The following HTR1F variants were observed in gnomAD, a reference collection of about 807,000 sequenced individuals.
HTR1F encodes the protein 5-hydroxytryptamine receptor 1F, also known as 5-hydroxytryptamine (serotonin) receptor 1F, G protein-coupled.
HTR1F carries 17 observed loss-of-function variants against 24.0 expected under a neutral mutation model. That is an observed-to-expected ratio of 0.71 (90% CI 0.48 to 1.06). HTR1F has a LOEUF of 1.06. Ranked by LOEUF, HTR1F falls within the 50% of genes least tolerant of loss-of-function variation. HTR1F has a pLI of 0.00. For synonymous variants in HTR1F, 186 were observed against 156.8 expected (o/e 1.19, Z -1.39); for missense variants, 391 against 427.8 (o/e 0.91, Z 0.76).
intron 2 of HTR1F, among the ~76,000 whole-genome samples, chr3:87,874,891 A>G (rs948576301): frequency 6.6e-6 from 1 of 152,178 alleles, no homozygotes; most frequent in Admixed American, 6.5e-5. Flanking sequence ...TGGAAAGGGT[A>G]GTCTCCTCAA....
chr3:87,846,095 G>GAA (rs1337922376), intron 2 of HTR1F, among the ~76,000 whole-genome samples: 1 of 151,696 alleles, frequency 6.6e-6, no homozygotes, highest in African/African-American at 2.4e-5. Context: ...GTAGGGAAGA[G>GAA]AGTAAACAGA....
At chr3:87,985,336 CA>C (rs11337146) in intron 2 of HTR1F, among the ~76,000 whole-genome samples, 87,549 of 144,228 alleles carry the variant, frequency 0.61, 25,887 homozygotes, top group South Asian at 0.74. Flanking sequence ...ACCTCCATCT[CA>C]AAAAAAAAAA....
intron 2 of HTR1F, among the ~76,000 whole-genome samples, chr3:87,989,857 G>C (rs1297568699): frequency 6.6e-6 from 1 of 152,170 alleles, no homozygotes; most frequent in African/African-American, 2.4e-5. Context: ...CAGTTACAGG[G>C]AGAAGGCCTG....
intron 2 of HTR1F, among the ~76,000 whole-genome samples, chr3:87,940,535 T>C (rs1704543294): frequency 6.6e-6 from 1 of 152,228 alleles, no homozygotes; most frequent in African/African-American, 2.4e-5. Context: ...TCCATGCTCA[T>C]GGATGGGAAG....
chr3:87,822,875 G>A (rs1704386459), intron 2 of HTR1F, among the ~76,000 whole-genome samples: 1 of 152,124 alleles, frequency 6.6e-6, no homozygotes, highest in Admixed American at 6.5e-5. Context: ...TGATCTGCTG[G>A]CTCCTAGCCG....
chr3:87,932,395 T>C (rs1016262210), intron 2 of HTR1F, among the ~76,000 whole-genome samples: 1 of 152,162 alleles, frequency 6.6e-6, no homozygotes, highest in Non-Finnish European at 1.5e-5. Context: ...TTCTGTTCCA[T>C]TGATCTATAT....
chr3:87,895,089 C>A (rs1161308047), intron 2 of HTR1F, among the ~76,000 whole-genome samples: 1 of 152,110 alleles, frequency 6.6e-6, no homozygotes, highest in Non-Finnish European at 1.5e-5. Context: ...TCTACTCAGA[C>A]AGGGGTGATG....
At chr3:87,905,120 C>A (rs1212559303) in intron 2 of HTR1F, among the ~76,000 whole-genome samples, 1 of 151,464 alleles carries the variant, frequency 6.6e-6, no homozygotes, top group Non-Finnish European at 1.5e-5. Flanking sequence ...CTAGCCTGAG[C>A]AACATAGCAA....
intron 2 of HTR1F, among the ~76,000 whole-genome samples, chr3:87,850,047 T>C (rs1463268846): frequency 1.3e-5 from 2 of 151,912 alleles, no homozygotes; most frequent in Non-Finnish European, 2.9e-5. Flanking sequence ...GAAGTCAGTG[T>C]GGTGATTCCT....
chr3:87,814,895 G>T (rs1157897215), intron 1 of HTR1F, among the ~76,000 whole-genome samples: 1 of 152,070 alleles, frequency 6.6e-6, no homozygotes, highest in East Asian at 1.9e-4. Context: ...TTATATAGGA[G>T]GGAGAGTTCA....
At chr3:87,978,520 T>G (rs1308377449) in intron 2 of HTR1F, among the ~76,000 whole-genome samples, 1 of 151,726 alleles carries the variant, frequency 6.6e-6, no homozygotes, top group East Asian at 1.9e-4. Context: ...AGACCCAGAG[T>G]GGTTAGCTCC....
At chr3:87,826,833 C>T (rs1704473632) in intron 2 of HTR1F, among the ~76,000 whole-genome samples, 1 of 152,042 alleles carries the variant, frequency 6.6e-6, no homozygotes, top group Non-Finnish European at 1.5e-5. Flanking sequence ...ATTTTGGGGA[C>T]AGGGTCTCAC....
At chr3:87,880,914 A>G (rs1363796985) in intron 2 of HTR1F, among the ~76,000 whole-genome samples, 1 of 152,220 alleles carries the variant, frequency 6.6e-6, no homozygotes, top group Admixed American at 6.5e-5. Flanking sequence ...AATACTTGGT[A>G]TGAGAACATA....
At chr3:87,847,838 C>T (rs546634258) in intron 2 of HTR1F, among the ~76,000 whole-genome samples, 1 of 151,790 alleles carries the variant, frequency 6.6e-6, no homozygotes, top group Non-Finnish European at 1.5e-5. Context: ...ACATAATGAC[C>T]TTCAGTTCTA....
chr3:87,913,839 C>T (rs1196508671), intron 2 of HTR1F, among the ~76,000 whole-genome samples: 1 of 152,056 alleles, frequency 6.6e-6, no homozygotes, highest in Non-Finnish European at 1.5e-5. Context: ...GAACAGAAAA[C>T]CAAATATCAC....
chr3:87,849,062 C>T (rs1173365972), intron 2 of HTR1F, among the ~76,000 whole-genome samples: 1 of 151,390 alleles, frequency 6.6e-6, no homozygotes, highest in Non-Finnish European at 1.5e-5. Context: ...ACTACCATCC[C>T]CATCAAGCTA....
intron 2 of HTR1F, among the ~76,000 whole-genome samples, chr3:87,918,637 C>A (rs1246639720): frequency 6.6e-6 from 1 of 151,504 alleles, no homozygotes; most frequent in African/African-American, 2.4e-5. Context: ...CTGCAAAAAA[C>A]ATAAAATACT....
chr3:87,957,339 T>C (rs138310769), intron 2 of HTR1F, among the ~76,000 whole-genome samples: 6 of 151,544 alleles, frequency 4.0e-5, no homozygotes, highest in Middle Eastern at 3.4e-3. Flanking sequence ...TTTATAAATA[T>C]TGCAGGATTC....
At chr3:87,810,196 T>C (rs916619952) in intron 1 of HTR1F, among the ~76,000 whole-genome samples, 1 of 152,166 alleles carries the variant, frequency 6.6e-6, no homozygotes, top group African/African-American at 2.4e-5. Flanking sequence ...TTTATATGGA[T>C]TCTGCTAGAA....
Sources: allele counts gnomAD v4.1 joint callset (sites outside exome capture counted in the v4.1 genomes callset), GRCh38; gene constraint gnomAD v4.1.1; transcripts MANE v1.5; gene names NCBI Gene and HGNC (gene_info 2026-07-23, HGNC 2026-07-21).